Variants in NBEA observed in about 807,000 individuals in gnomAD.
The protein encoded by NBEA is neurobeachin, also known as lysosomal-trafficking regulator 2.
Under a neutral mutation model 343.4 loss-of-function variants are expected in NBEA, and 44 were observed. The ratio of observed to expected loss-of-function variants is 0.13; its 90% CI spans 0.10 to 0.16. The LOEUF is 0.16. Ranked by LOEUF, NBEA falls within the 10% of genes least tolerant of loss-of-function variation. NBEA has a pLI of 1.00. For synonymous variants in NBEA, 1,175 were observed against 1,238.7 expected, an observed-to-expected ratio of 0.95 and a Z score of 1.08; for missense variants, 2,555 against 3,631.3, an observed-to-expected ratio of 0.70 and a Z score of 7.62.
chr13:34,960,679 A>G (rs2059633924), intron 1 of NBEA, among the ~76,000 whole-genome samples: 1 of 152,094 alleles, frequency 6.6e-6, no homozygotes, highest in Admixed American at 6.6e-5. Flanking sequence ...TGTTTATGCA[A>G]TACAGTAACA....
intron 47 of NBEA, among the ~76,000 whole-genome samples, chr13:35,595,680 C>T: frequency 6.6e-6 from 1 of 152,002 alleles, no homozygotes; most frequent in Non-Finnish European, 1.5e-5. Flanking sequence ...ATTAATGGGA[C>T]TGATGGCTCA....
intron 40 of NBEA, among the ~76,000 whole-genome samples, chr13:35,468,995 A>T (rs2075520879): frequency 6.8e-6 from 1 of 147,310 alleles, no homozygotes; most frequent in African/African-American, 2.5e-5. Context: ...GCTACTCAGG[A>T]GGCTGAGGCA....
At chr13:35,391,444 T>C (rs61948718) in intron 38 of NBEA, among the ~76,000 whole-genome samples, 1 of 152,052 alleles carries the variant, frequency 6.6e-6, no homozygotes, top group Non-Finnish European at 1.5e-5. Flanking sequence ...ATTATAGATA[T>C]AAAAGAAGTT....
At chr13:34,959,782 A>G (rs2059603850) in intron 1 of NBEA, among the ~76,000 whole-genome samples, 1 of 152,016 alleles carries the variant, frequency 6.6e-6, no homozygotes, top group Non-Finnish European at 1.5e-5. Context: ...CTTATCTCCT[A>G]GTGAAGTCAG....
At chr13:35,000,593 A>AACAC (rs58091499) in intron 1 of NBEA, among the ~76,000 whole-genome samples, 116,216 of 147,674 alleles carry the variant, frequency 0.79, 46,907 homozygotes, top group Non-Finnish European at 0.88. Flanking sequence ...TAATATATAT[A>AACAC]ACACACACAC....
Position 35,142,571 on chromosome 13 carries a change from C to A in NBEA, c.2445+194C>A, listed in dbSNP as rs189661178. Among the ~76,000 whole-genome samples, 10 of 152,106 alleles carry A rather than the reference C, an allele frequency of 6.6e-5. No individual in the cohort carries two copies. The East Asian group carries it at 1.9e-3, about 29-fold the overall frequency. On this transcript the variant is annotated intron_variant, in intron 18 of 58. Coordinates refer to ENST00000379939, the MANE Select transcript of NBEA (RefSeq NM_001385012.1). Reference sequence around the variant, plus strand: ...AAACATATCCATGTACAATTTTTGCCAATTTCTTTATGTCGATCCAAGAGC... The same window carrying A: ...AAACATATCCATGTACAATTTTTGCAAATTTCTTTATGTCGATCCAAGAGC...
intron 34 of NBEA, among the ~76,000 whole-genome samples, chr13:35,280,324 G>A (rs1298775836): frequency 6.6e-6 from 1 of 151,988 alleles, no homozygotes; most frequent in Non-Finnish European, 1.5e-5. Context: ...CCTCTCATGA[G>A]TAAAAGAAGA....
rs542345071 is a variant in NBEA, at chr13:35,561,312, G to A, written c.6923-5593G>A. On this transcript the variant is annotated intron_variant, in intron 44 of 58. Coordinates refer to ENST00000379939, the MANE Select transcript of NBEA (RefSeq NM_001385012.1). ...TGTAAATTCACTAGAATTACTGGAC[G>A]AGGGATTCTTTAAACGTCTTGGATT... 7.9e-5 allele frequency among the ~76,000 whole-genome samples: 12 copies of A among 152,174 alleles called. No individual in the cohort carries two copies. In the East Asian group the frequency reaches 1.4e-3, roughly 17 times the overall value.
chr13:35,456,352 G>A (rs1008541553), intron 40 of NBEA, among the ~76,000 whole-genome samples: 2 of 151,820 alleles, frequency 1.3e-5, no homozygotes, highest in African/African-American at 4.8e-5. Context: ...TGTAGCAAAT[G>A]GCTAATATGA....
chr13:35,519,065 C>G (rs1411598573), intron 41 of NBEA, among the ~76,000 whole-genome samples: 1 of 152,188 alleles, frequency 6.6e-6, no homozygotes, highest in East Asian at 1.9e-4. Flanking sequence ...TTCTACTTAG[C>G]CTTTCAAGCA....
chr13:35,147,170 T>A (rs2068485403), intron 18 of NBEA, among the ~76,000 whole-genome samples: 1 of 152,226 alleles, frequency 6.6e-6, no homozygotes, highest in Non-Finnish European at 1.5e-5. Flanking sequence ...ATAGTTCCAG[T>A]TAGGGTCATT....
intron 10 of NBEA, among the ~76,000 whole-genome samples, chr13:35,080,600 G>A (rs2152602199): frequency 1.3e-5 from 2 of 152,238 alleles, no homozygotes; most frequent in East Asian, 3.9e-4. Context: ...CTTTGGGGCG[G>A]TAAAGCTGAC....
chr13:35,320,019 C>T (rs1213174718), intron 36 of NBEA, among the ~76,000 whole-genome samples: 1 of 152,098 alleles, frequency 6.6e-6, no homozygotes, highest in Non-Finnish European at 1.5e-5. Flanking sequence ...CTGAGTACAG[C>T]ACACTGATGG....
chr13:35,667,389 T>C lies in NBEA; in HGVS notation c.8480T>C (p.Val2827Ala). The C allele has an allele frequency of 6.2e-7, 1 of 1,613,960 alleles. No homozygotes were observed. Among genetic ancestry groups the C allele is most frequent in the Non-Finnish European group, 8.5e-7 (1 of 1,179,872 alleles). Residue 2827 changes from valine (V) to alanine (A), a missense_variant, in exon 57 of 59, where the codon GTC (valine) becomes GCC (alanine). Transcript: ENST00000379939. ...ISGAKEGPCLVHTITGDLLRA... is the reference protein window; with the variant it reads ...ISGAKEGPCLAHTITGDLLRA... ...CACTTTGCAGAGGGCCCTTGCCTTGTCCACACCATCACTGGAGATTTGCTG... is the reference window on the plus strand; with the variant it reads ...CACTTTGCAGAGGGCCCTTGCCTTGCCCACACCATCACTGGAGATTTGCTG...
chr13:35,258,247 A>G (rs1231573764), intron 34 of NBEA, among the ~76,000 whole-genome samples: 1 of 151,206 alleles, frequency 6.6e-6, no homozygotes, highest in Non-Finnish European at 1.5e-5. Context: ...CACTCTCTGC[A>G]ACCTCCACCT....
chr13:35,066,764 T>A (rs1033564969), intron 8 of NBEA, among the ~76,000 whole-genome samples: 2 of 152,086 alleles, frequency 1.3e-5, no homozygotes, highest in Admixed American at 1.3e-4. Flanking sequence ...ATTTCATTCA[T>A]CTTTAATGTG....
intron 38 of NBEA, among the ~76,000 whole-genome samples, chr13:35,427,368 G>C (rs538364948): frequency 2.6e-5 from 4 of 152,310 alleles, no homozygotes; most frequent in African/African-American, 9.6e-5. Context: ...ACCCTCAGCT[G>C]CAGGTCTGTT....
chr13:35,567,288 A>G (rs2080180995), intron 45 of NBEA, among the ~76,000 whole-genome samples: 1 of 152,206 alleles, frequency 6.6e-6, no homozygotes, highest in African/African-American at 2.4e-5. Context: ...CTTTAAAGTC[A>G]AGGTTAAAAA....
chr13:35,270,863 C>A (rs1039723545), intron 34 of NBEA, among the ~76,000 whole-genome samples: 3 of 152,194 alleles, frequency 2.0e-5, no homozygotes, highest in African/African-American at 7.2e-5. Flanking sequence ...CTGGGCAGAG[C>A]CCACCACAGC....
Sources: allele counts gnomAD v4.1 joint callset (sites outside exome capture counted in the v4.1 genomes callset), GRCh38; gene constraint gnomAD v4.1.1; transcripts MANE v1.5; gene names NCBI Gene and HGNC (gene_info 2026-07-23, HGNC 2026-07-21).